PCLO: variants seen among roughly 807,000 people sequenced by gnomAD.
PCLO encodes piccolo presynaptic cytomatrix protein, also known as protein piccolo.
PCLO carries 82 observed loss-of-function variants against 427.5 expected under a neutral mutation model. The observed-to-expected ratio is 0.19, with a 90% CI of 0.16 to 0.23. The LOEUF (loss-of-function observed/expected upper bound fraction) is 0.23, where lower values mean the gene tolerates loss of function less well. Among genes scored for constraint, PCLO ranks in the 10% least tolerant of loss-of-function variants. The probability of loss-of-function intolerance (pLI) is 1.00; values close to 1 mark genes in which losing one functional copy is unlikely to be tolerated. For missense variants in PCLO, 6,239 were observed against 6,115.9 expected, an observed-to-expected ratio of 1.02 and a Z score of -0.67; for synonymous variants, 2,357 against 2,155.4, an observed-to-expected ratio of 1.09 and a Z score of -2.59.
intron 6 of PCLO, among the ~76,000 whole-genome samples, chr7:82,918,499 G>A (rs1294993680): frequency 6.6e-6 from 1 of 151,744 alleles, no homozygotes; most frequent in African/African-American, 2.4e-5. Flanking sequence ...ATATCAATGG[G>A]CCATAATTAA....
At chr7:82,887,860 G>A (rs894224341) in intron 9 of PCLO, among the ~76,000 whole-genome samples, 6 of 152,064 alleles carry the variant, frequency 3.9e-5, no homozygotes, top group Non-Finnish European at 8.8e-5. Context: ...ACGAGGTCAA[G>A]AGTTCAAGAC....
At chr7:82,901,992 T>G (rs1390752931) in intron 9 of PCLO, among the ~76,000 whole-genome samples, 5 of 151,538 alleles carry the variant, frequency 3.3e-5, no homozygotes, top group African/African-American at 1.2e-4. Context: ...TGTAAACTAG[T>G]TCAACCATTG....
At position 82,764,585 on chromosome 7, in the gene PCLO, A is replaced by G. The variant is rs1168999156; in HGVS notation, c.15008-3092T>C. On this transcript the variant is annotated intron_variant, in intron 22 of 24. Coordinates refer to ENST00000333891, the MANE Select transcript of PCLO (RefSeq NM_033026.6). The stretch of plus-strand genomic sequence containing the variant: ...AATCTGGTTTTATTCCAAATAGTAA[A>G]AAATACAGATATTGGCAAGTATGTC... Among the ~76,000 whole-genome samples the G allele has an allele frequency of 8.6e-5, 13 of 152,000 alleles. 1 individual carries two copies. The highest frequency in any genetic ancestry group is 1.9e-4 in the Non-Finnish European group (13 of 67,890).
chr7:82,916,406 G>A lies in PCLO; in HGVS notation c.11580C>T (p.Pro3860=). ...GTATAAACTGGCTGAATTCAGTTTG[G>A]GGAGCAGTTCTTGGTCGCTCAATGC... The part of the protein sequence containing the change: ...QHGIERPRTA[P]QTEFSQFIPP... The change falls in exon 7 of 25, where the codon CCC becomes CCT. Residue 3860 remains proline (P), a synonymous_variant. Coordinates refer to ENST00000333891, the MANE Select transcript of PCLO (RefSeq NM_033026.6). 1.9e-6 allele frequency: 3 copies of A among 1,613,654 alleles called. No individual in the cohort carries two copies. The highest frequency in any genetic ancestry group is 2.5e-6 in the Non-Finnish European group (3 of 1,179,722).
chr7:83,008,449 A>G (rs1788000828), intron 3 of PCLO, among the ~76,000 whole-genome samples: 1 of 151,718 alleles, frequency 6.6e-6, no homozygotes, highest in African/African-American at 2.4e-5. Flanking sequence ...TTTAATATAA[A>G]CCTAATCCTA....
intron 22 of PCLO, among the ~76,000 whole-genome samples, chr7:82,790,160 G>A (rs551383060): frequency 4.6e-5 from 7 of 151,910 alleles, no homozygotes; most frequent in Non-Finnish European, 5.9e-5. Context: ...GCCTCCAAAC[G>A]AGTCCCCCAA....
chr7:82,950,648 G>C lies in PCLO; in HGVS notation c.9940C>G (p.Gln3314Glu), dbSNP rs1366743441. 3 of 1,613,618 alleles carry C rather than the reference G, an allele frequency of 1.9e-6. No individual in the cohort carries two copies. The Admixed American group carries it at 5.0e-5, about 27-fold the overall frequency. Residue 3314 changes from glutamine to glutamate, a missense_variant, in exon 6 of 25, where the codon CAG becomes GAG. Gln to Glu is a conservative substitution (Grantham distance 29). Around this residue, in one of 5 missense-constraint regions of PCLO, gnomAD observed 4,677 missense variants for 4,468.4 expected, o/e 1.05. Transcript: ENST00000333891. ...HQQLEEQKIRQIYQYNYDPSG... is the reference protein window; with the variant it reads ...HQQLEEQKIREIYQYNYDPSG... ...GGGTCATAGTTATACTGGTAGATCT[G>C]CCGAATCTTTTGCTCCTCCAGCTGC...
In PCLO at chr7:82,986,661, C is replaced by G. The variant is rs184406482; in HGVS notation, c.3301-20174G>C. ...TTCATTCAAATGAGTTAAATATAAA[C>G]ATTTTACAAATAAAATTTAAGGCAC... is the stretch of plus-strand genomic sequence containing the variant. On this transcript the variant is annotated intron_variant, in intron 3 of 24. Transcript: ENST00000333891. Among the ~76,000 whole-genome samples, 329 of 151,982 alleles carry G rather than the reference C, an allele frequency of 2.2e-3. 4 individuals are homozygous for G. The highest frequency in any genetic ancestry group is 1.7e-3 in the South Asian group (8 of 4,832).
At chr7:82,920,104 C>T (rs1392754102) in intron 6 of PCLO, among the ~76,000 whole-genome samples, 1 of 151,748 alleles carries the variant, frequency 6.6e-6, no homozygotes, top group East Asian at 1.9e-4. Flanking sequence ...ATAAAAACTT[C>T]TCAACTAAGT....
intron 9 of PCLO, among the ~76,000 whole-genome samples, chr7:82,890,491 C>T (rs1793732155): frequency 1.3e-5 from 2 of 151,766 alleles, no homozygotes; most frequent in Non-Finnish European, 2.9e-5. Flanking sequence ...TATTACATAT[C>T]TTCTTTTTTA....
intron 7 of PCLO, among the ~76,000 whole-genome samples, chr7:82,912,317 G>T (rs1032225059): frequency 6.6e-6 from 1 of 151,546 alleles, no homozygotes; most frequent in South Asian, 2.1e-4. Flanking sequence ...AATACTGAAG[G>T]AATTCAAGAT....
In PCLO at chr7:83,155,389, G is replaced by A; in HGVS notation, c.1252C>T (p.Pro418Ser). The A allele has an allele frequency of 1.2e-6, 2 of 1,613,644 alleles. No homozygotes were observed. Among genetic ancestry groups the A allele is most frequent in the Non-Finnish European group, 1.7e-6 (2 of 1,179,810 alleles). The change falls in exon 2 of 25, where the codon CCA becomes TCA. Residue 418 changes from proline to serine, a missense_variant. By Grantham distance (74) the Pro-to-Ser change is moderately conservative. Coordinates refer to ENST00000333891, the MANE Select transcript of PCLO (RefSeq NM_033026.6). ...AKPPTQQVGT[P>S]KPLAQQPGLQ... ...CCAGGTTGTTGAGCTAGGGGTTTTG[G>A]TGTCCCCACCTGCTGGGTTGGAGGC...
At chr7:82,891,705 G>A (rs1465311989) in intron 9 of PCLO, among the ~76,000 whole-genome samples, 3 of 152,044 alleles carry the variant, frequency 2.0e-5, no homozygotes, top group East Asian at 1.9e-4. Context: ...TTTGAGATAC[G>A]TCCCATCAAT....
intron 22 of PCLO, among the ~76,000 whole-genome samples, chr7:82,771,998 A>G (rs1223473398): frequency 1.3e-5 from 2 of 152,142 alleles, no homozygotes; most frequent in African/African-American, 4.8e-5. Context: ...GGTAATAACA[A>G]TGTATTTCAT....
rs554745390 is a variant in PCLO at position 82,926,910 on chromosome 7, C to G, written c.11113-10037G>C. 2.6e-5 allele frequency among the ~76,000 whole-genome samples: 4 copies of G among 152,236 alleles called. No individual in the cohort carries two copies. In the South Asian group the frequency reaches 8.3e-4, roughly 32 times the overall value. On this transcript the variant is annotated intron_variant, in intron 6 of 24. Coordinates refer to ENST00000333891, the MANE Select transcript of PCLO (RefSeq NM_033026.6). Reference sequence around the variant, plus strand: ...CCTCCCTCTTTCCATCCTTCCCTCCCTTCCTTTTGCTTCCTTCCTTTGTAT... The same window carrying G: ...CCTCCCTCTTTCCATCCTTCCCTCCGTTCCTTTTGCTTCCTTCCTTTGTAT...
chr7:83,024,798 C>G (rs1426325829), intron 3 of PCLO, among the ~76,000 whole-genome samples: 1 of 152,118 alleles, frequency 6.6e-6, no homozygotes, highest in Non-Finnish European at 1.5e-5. Context: ...GTCCCTGACT[C>G]CTGACCCCCG....
chr7:82,953,349 C>G lies in PCLO; in HGVS notation c.7604G>C (p.Gly2535Ala). The G allele has an allele frequency of 6.2e-7, 1 of 1,613,554 alleles. No individual in the cohort carries two copies. The highest frequency in any genetic ancestry group is 8.5e-7 in the Non-Finnish European group (1 of 1,179,810). Residue 2535 changes from glycine to alanine, a missense_variant, in exon 5 of 25, where the codon GGC (glycine) becomes GCC (alanine). Physicochemically the swap from Gly to Ala is moderately conservative, Grantham distance 60. Coordinates refer to ENST00000333891, the MANE Select transcript of PCLO (RefSeq NM_033026.6). ...KPTDIHPKPT[G>A]LSLTSSMTLN... ...GGTCATACTTGAAGTTAAAGATAGGCCTGTTGGTTTGGGGTGTATATCTGT... is the reference window on the plus strand; with the variant it reads ...GGTCATACTTGAAGTTAAAGATAGGGCTGTTGGTTTGGGGTGTATATCTGT...
At position 83,155,111 on chromosome 7, in the gene PCLO, T is replaced by C. The variant is rs754914434; in HGVS notation, c.1530A>G (p.Pro510=). 9.2e-6 allele frequency: 14 copies of C among 1,527,466 alleles called. No homozygotes were observed. Among genetic ancestry groups the C allele is most frequent in the Non-Finnish European group, 1.2e-5 (14 of 1,129,004 alleles). 94.6% of individuals were successfully genotyped at this position (1,527,466 alleles called of 1,614,324 possible). The change falls in exon 2 of 25, where the codon CCA becomes CCG. Residue 510 remains proline (P), a synonymous_variant. Coordinates refer to ENST00000333891, the MANE Select transcript of PCLO (RefSeq NM_033026.6). The stretch of plus-strand genomic sequence containing the variant: ...GCTTTGCTGGGCCAGGCTGTTGAGG[T>C]GGGGGTTTTGTTGAGCCAGGCTGTT... ...PSQQPGSTKP[P]PQQPGPAKPS... is the part of the protein sequence containing the mutation.
In PCLO at chr7:83,155,778, A is replaced by C. The variant is rs1237855795; in HGVS notation, c.863T>G (p.Ile288Arg). Residue 288 changes from isoleucine (I) to arginine (R), a missense_variant, in exon 2 of 25, where the codon ATA becomes AGA. Coordinates refer to ENST00000333891, the MANE Select transcript of PCLO (RefSeq NM_033026.6). ...GGGTTTAACTGATTCTCCCCTTACTATGTCTGCCTGTTTAGTCTGAGGCCT... is the reference window on the plus strand; with the variant it reads ...GGGTTTAACTGATTCTCCCCTTACTCTGTCTGCCTGTTTAGTCTGAGGCCT... Reference protein sequence around the residue: ...ASRPQTKQADIVRGESVKPSL... With the variant: ...ASRPQTKQADRVRGESVKPSL... 1.2e-6 allele frequency: 2 copies of C among 1,613,858 alleles called. No homozygotes were observed.
Sources: allele counts gnomAD v4.1 joint callset (sites outside exome capture counted in the v4.1 genomes callset), GRCh38; gene constraint gnomAD v4.1.1; regional missense constraint gnomAD v4.1.1; transcripts MANE v1.5; gene names NCBI Gene and HGNC (gene_info 2026-07-23, HGNC 2026-07-21).